Variants in DPH6 observed in about 807,000 individuals in gnomAD.
DPH6 encodes the protein diphthamine biosynthesis 6.
In DPH6, 33 loss-of-function variants were observed where a neutral mutation model predicts 38.2. That is an observed-to-expected ratio of 0.86 (90% CI 0.65 to 1.15). The LOEUF is 1.15. Ranked by LOEUF, DPH6 falls within the 50% of genes most tolerant of loss-of-function variation. The probability of loss-of-function intolerance (pLI) is 0.00; values close to 1 mark genes in which losing one functional copy is unlikely to be tolerated. For synonymous variants in DPH6, 108 were observed against 103.0 expected (o/e 1.05, Z -0.30); for missense variants, 325 against 320.0 (o/e 1.02, Z -0.12).
intron 3 of DPH6, among the ~76,000 whole-genome samples, chr15:35,362,098 C>T (rs532097475): frequency 1.1e-4 from 17 of 152,256 alleles, no homozygotes; most frequent in African/African-American, 3.9e-4. Context: ...AGACCTTCAC[C>T]AGTCAACCCA....
chr15:35,197,187 T>A, the DPH6 span, among the ~76,000 whole-genome samples: 2 of 152,192 alleles, frequency 1.3e-5, no homozygotes, highest in Non-Finnish European at 2.9e-5. Context: ...AATATTGCTG[T>A]CTACTGTTGA....
intron 3 of DPH6, among the ~76,000 whole-genome samples, chr15:35,346,157 C>T (rs2052460070): frequency 6.6e-6 from 1 of 151,918 alleles, no homozygotes; most frequent in South Asian, 2.1e-4. Context: ...AACAGAAATG[C>T]TGGTTATACT....
chr15:35,478,227 C>G (rs1460685434), intron 3 of DPH6, among the ~76,000 whole-genome samples: 2 of 151,794 alleles, frequency 1.3e-5, no homozygotes, highest in South Asian at 2.1e-4. Flanking sequence ...AAGCCTATAA[C>G]TAAATACAAC....
intron 5 of DPH6, among the ~76,000 whole-genome samples, chr15:35,448,045 T>G (rs541814337): frequency 6.6e-6 from 1 of 152,192 alleles, no homozygotes; most frequent in African/African-American, 2.4e-5. Context: ...AAACAGGAGG[T>G]TTTCCAGTAA....
rs113777032 is a variant in DPH6, at chr15:35,279,852, C to T, written n.201-59270G>A. ...CATATGTTGAAGCCCTAACCCTCAA[C>T]GTGACTGTATTTGGAGTCAGCTTTT... On this transcript the variant is annotated intron_variant and non_coding_transcript_variant, in intron 3 of 3. Coordinates refer to the DPH6 transcript ENST00000560386. Among the ~76,000 whole-genome samples the T allele has an allele frequency of 2.9e-4, 44 of 152,248 alleles. 1 individual carries two copies. Among genetic ancestry groups the T allele is most frequent in the Middle Eastern group, 3.4e-3 (1 of 294 alleles).
intron 3 of DPH6, among the ~76,000 whole-genome samples, chr15:35,239,048 C>A (rs540854690): frequency 6.9e-6 from 1 of 144,478 alleles, no homozygotes; most frequent in African/African-American, 2.5e-5. Context: ...TCTCTTCACA[C>A]GGACGTGCAT....
chr15:35,283,170 CCT>C (rs2051913333), intron 3 of DPH6, among the ~76,000 whole-genome samples: 1 of 149,086 alleles, frequency 6.7e-6, no homozygotes, highest in Admixed American at 6.7e-5. Flanking sequence ...TCCCCCTCCC[CCT>C]CTTCCTCTTC....
At chr15:35,365,029 C>T (rs1315844365) in intron 3 of DPH6, among the ~76,000 whole-genome samples, 1 of 152,016 alleles carries the variant, frequency 6.6e-6, no homozygotes, top group Non-Finnish European at 1.5e-5. Flanking sequence ...CTGAATTGCT[C>T]TCTGGCTATA....
the DPH6 span, among the ~76,000 whole-genome samples, chr15:35,201,970 G>A: frequency 3.3e-4 from 50 of 151,598 alleles, no homozygotes; most frequent in Non-Finnish European, 2.8e-4. Flanking sequence ...TCTCAACTTA[G>A]CATATTCTTC....
At chr15:35,520,398 A>T in intron 3 of DPH6, 1 of 983,084 alleles carries the variant, frequency 1.0e-6, no homozygotes, top group Non-Finnish European at 1.2e-6. Context: ...TAAATAAGTT[A>T]CATCAAACAA....
intron 3 of DPH6, among the ~76,000 whole-genome samples, chr15:35,300,709 A>G (rs1225767145): frequency 6.6e-6 from 1 of 152,224 alleles, no homozygotes; most frequent in African/African-American, 2.4e-5. Flanking sequence ...TATTTTCCAC[A>G]TAATTTTGTT....
At chr15:35,319,460 G>A (rs2052220986) in intron 3 of DPH6, among the ~76,000 whole-genome samples, 1 of 152,122 alleles carries the variant, frequency 6.6e-6, no homozygotes, top group Non-Finnish European at 1.5e-5. Flanking sequence ...ATTCTTAGAG[G>A]CTGAGCGTGG....
intron 3 of DPH6, among the ~76,000 whole-genome samples, chr15:35,318,916 A>G (rs1474570711): frequency 6.6e-6 from 1 of 152,190 alleles, no homozygotes; most frequent in East Asian, 1.9e-4. Context: ...CAATATACAC[A>G]CAAGATCACG....
rs1471454505 is a variant in DPH6, at chr15:35,495,663, C to A, written c.313-40843G>T. Among the ~76,000 whole-genome samples, 3 of 152,032 alleles carry A rather than the reference C, an allele frequency of 2.0e-5. No homozygotes were observed. In the East Asian group the frequency reaches 5.8e-4, roughly 29 times the overall value. ...TCAATATTCTGATGATGTCAATTCT[C>A]AAATGAATCTATAGATTCAGTATAA... On this transcript the variant is annotated intron_variant, in intron 3 of 8. Transcript: ENST00000256538.
intron 4 of DPH6, 108 bp downstream of exon 4, chr15:35,454,639 C>T: frequency 3.3e-6 from 3 of 904,008 alleles, no homozygotes; most frequent in Non-Finnish European, 5.1e-6. Context: ...CCATGGAGCA[C>T]GTAGACTACC....
intron 3 of DPH6, among the ~76,000 whole-genome samples, chr15:35,270,385 G>A (rs1382175753): frequency 1.3e-5 from 2 of 152,210 alleles, no homozygotes; most frequent in African/African-American, 4.8e-5. Flanking sequence ...TGTATTGTAA[G>A]TTAAAGGTGA....
chr15:35,491,187 A>G (rs1482441505), intron 3 of DPH6, among the ~76,000 whole-genome samples: 2 of 152,128 alleles, frequency 1.3e-5, no homozygotes, highest in East Asian at 3.9e-4. Context: ...ACACACACAT[A>G]TAACATAAAT....
intron 7 of DPH6, among the ~76,000 whole-genome samples, chr15:35,374,408 AGTAAAATAAATCCTGACATTGACATTTT>A (rs1337116178): frequency 6.6e-6 from 1 of 152,126 alleles, no homozygotes; most frequent in Non-Finnish European, 1.5e-5. Context: ...ATTGTAGTAC[AGTAAAATAAATCCTGACATTGACATTTT>A]GTCGCTAATG....
the DPH6 span, among the ~76,000 whole-genome samples, chr15:35,169,286 T>G: frequency 6.6e-6 from 1 of 152,116 alleles, no homozygotes; most frequent in Non-Finnish European, 1.5e-5. Context: ...GAATTATTTG[T>G]TTTATGAAGA....
Sources: gnomAD v4.1 joint callset for allele counts (sites outside exome capture counted in the v4.1 genomes callset) on GRCh38, gnomAD v4.1.1 for gene constraint, MANE v1.5 for transcripts, NCBI Gene and HGNC (gene_info 2026-07-23, HGNC 2026-07-21) for gene names.